INTS14: variants seen among roughly 807,000 people sequenced by gnomAD.
INTS14 encodes UPF0464 protein C15orf44.
A neutral mutation model predicts 56.9 loss-of-function variants in INTS14; 27 were observed. The ratio of observed to expected loss-of-function variants is 0.47; its 90% CI spans 0.35 to 0.65. The LOEUF is 0.65. INTS14 is among the 30% of genes least tolerant of loss of function. INTS14 has a pLI of 0.00. For missense variants in INTS14, 517 were observed against 632.2 expected, an observed-to-expected ratio of 0.82 and a Z score of 1.95; for synonymous variants, 207 against 236.2, an observed-to-expected ratio of 0.88 and a Z score of 1.13.
At chr15:65,593,770 T>C (rs967681629) in intron 7 of INTS14, among the ~76,000 whole-genome samples, 198 bp from the exon 8 acceptor site, 4 of 152,158 alleles carry the variant, frequency 2.6e-5, no homozygotes, top group Non-Finnish European at 4.4e-5. Flanking sequence ...TGAATTCCAT[T>C]TATATAAAAC....
chr15:65,598,703 T>C (rs565485295), intron 5 of INTS14, 169 bp downstream of exon 5: 101 of 707,020 alleles, frequency 1.4e-4, no homozygotes, highest in Non-Finnish European at 2.1e-4. Flanking sequence ...ACAGACAGTA[T>C]AGATTTACTT....
At chr15:65,594,393 CTTTCT>C (rs551287602) in intron 7 of INTS14, among the ~76,000 whole-genome samples, 4 of 145,260 alleles carry the variant, frequency 2.8e-5, no homozygotes, top group East Asian at 5.7e-4. Context: ...TTTTCTTTTT[CTTTCT>C]TTTTTTTTTT....
chr15:65,582,052 G>T (rs766122527), intron 10 of INTS14, 33 bp from the exon 11 acceptor site: 2 of 1,535,680 alleles, frequency 1.3e-6, no homozygotes, highest in South Asian at 1.2e-5. Flanking sequence ...TCCAACATTA[G>T]AATTCTGTGG....
At chr15:65,582,651 T>C (rs56248726) in intron 10 of INTS14, among the ~76,000 whole-genome samples, 80 of 152,216 alleles carry the variant, frequency 5.3e-4, no homozygotes, top group African/African-American at 1.9e-3. Flanking sequence ...TTGGCAATGA[T>C]CTCTTAGTTA....
chr15:65,602,098 G>A lies in INTS14; in HGVS notation c.331-2169C>T, dbSNP rs185529770. ...GTGTGGTAGTGCACTTCTGTAGGGC[G>A]TGATGGCACACTCCTGCAGTCCCAG... On this transcript the variant is annotated intron_variant, in intron 3 of 11. Coordinates refer to ENST00000313182, the MANE Select transcript of INTS14 (RefSeq NM_001394796.1). Among the ~76,000 whole-genome samples the A allele has an allele frequency of 2.6e-5, 4 of 152,044 alleles. No individual in the cohort carries two copies. The East Asian group carries it at 7.8e-4, about 30-fold the overall frequency.
At chr15:65,598,524 T>TC in intron 5 of INTS14, 61 bp from the exon 6 acceptor site, 1 of 1,525,894 alleles carries the variant, frequency 6.6e-7, no homozygotes, top group Non-Finnish European at 8.9e-7. Context: ...AGTTAATTTT[T>TC]CAGGACGCAA....
At position 65,597,074 on chromosome 15, in the gene INTS14, C is replaced by T. The variant is rs143211175; in HGVS notation, c.748+1247G>A. 3.1e-3 allele frequency among the ~76,000 whole-genome samples: 475 copies of T among 152,148 alleles called. 4 individuals carry two copies. Among genetic ancestry groups the T allele is most frequent in the African/African-American group, 0.011 (459 of 41,524 alleles). ...AAAAGACCTATTCAAATTTACTCATCGAAAAAGGATGGGAAGGAAGTGGAA... is the reference window on the plus strand; with the variant it reads ...AAAAGACCTATTCAAATTTACTCATTGAAAAAGGATGGGAAGGAAGTGGAA... On this transcript the variant is annotated intron_variant, in intron 6 of 11. Transcript: ENST00000313182.
rs2072484146 is a variant in INTS14, at chr15:65,579,231, A to C, written c.*177T>G. The stretch of plus-strand genomic sequence containing the variant: ...CAGGAAGTTAAAGCCCAACCAGCCA[A>C]CCACCTTCACATCCTTCTCATACTA... On this transcript the variant is annotated 3_prime_UTR_variant, in exon 12 of 12. Coordinates refer to ENST00000313182, the MANE Select transcript of INTS14 (RefSeq NM_001394796.1). 1 of 865,024 alleles carries C rather than the reference A, an allele frequency of 1.2e-6. No individual in the cohort carries two copies. Among genetic ancestry groups the C allele is most frequent in the African/African-American group, 1.7e-5 (1 of 58,348 alleles). The allele number at this position is 865,024 out of a possible 1,614,324, so 53.6% of individuals were successfully genotyped here.
chr15:65,599,831 T>C lies in INTS14; in HGVS notation c.429A>G (p.Pro143=), dbSNP rs765083564. The C allele has an allele frequency of 1.2e-6, 2 of 1,614,204 alleles. No homozygotes were observed. Among genetic ancestry groups the C allele is most frequent in the Middle Eastern group, 1.7e-4 (1 of 6,060 alleles). The change falls in exon 4 of 12, where the codon CCA becomes CCG. Residue 143 remains proline, a synonymous_variant. Coordinates refer to ENST00000313182, the MANE Select transcript of INTS14 (RefSeq NM_001394796.1). ...QNQRSESNRF[P]LPFPFPSKLY... ...ACTTAGATGGGAAAGGAAAAGGTAGTGGAAACCTGTTGCTCTCACTTCGTT... is the reference window on the plus strand; with the variant it reads ...ACTTAGATGGGAAAGGAAAAGGTAGCGGAAACCTGTTGCTCTCACTTCGTT...
At chr15:65,609,312 T>C (rs2073772481) in intron 1 of INTS14, among the ~76,000 whole-genome samples, 1 of 152,048 alleles carries the variant, frequency 6.6e-6, no homozygotes, top group Non-Finnish European at 1.5e-5. Flanking sequence ...ATGGAAACAA[T>C]GTTTACAACT....
intron 2 of INTS14, among the ~76,000 whole-genome samples, chr15:65,606,191 C>G (rs1401912260): frequency 6.7e-6 from 1 of 149,658 alleles, no homozygotes; most frequent in African/African-American, 2.5e-5. Flanking sequence ...GGGGGCGGAG[C>G]CTGCAGTGAG....
chr15:65,594,445 T>C (rs1051584332), intron 7 of INTS14, among the ~76,000 whole-genome samples: 1 of 151,044 alleles, frequency 6.6e-6, no homozygotes, highest in Admixed American at 6.6e-5. Flanking sequence ...CAGGCTGGAG[T>C]GCAGTGGCGC....
chr15:65,600,976 T>C (rs1184124878), intron 3 of INTS14, among the ~76,000 whole-genome samples: 1 of 152,186 alleles, frequency 6.6e-6, no homozygotes, highest in East Asian at 1.9e-4. Context: ...CAATGTCAAA[T>C]ATGGAATGAA....
At chr15:65,580,982 T>C (rs924522867) in intron 11 of INTS14, among the ~76,000 whole-genome samples, 1 of 152,118 alleles carries the variant, frequency 6.6e-6, no homozygotes, top group Non-Finnish European at 1.5e-5. Flanking sequence ...GGTGGCCAGG[T>C]GGGGTGGCTC....
intron 1 of INTS14, among the ~76,000 whole-genome samples, 166 bp from the exon 2 acceptor site, chr15:65,607,608 T>C (rs981883021): frequency 6.6e-6 from 1 of 152,196 alleles, no homozygotes; most frequent in Non-Finnish European, 1.5e-5. Context: ...GCTTAGTTCA[T>C]TGTAAGGACC....
rs566464344 is a variant in INTS14, at chr15:65,580,698, AT to A, written c.1306-1040del. On this transcript the variant is annotated intron_variant, in intron 11 of 11. Coordinates refer to ENST00000313182, the MANE Select transcript of INTS14 (RefSeq NM_001394796.1). Reference sequence around the variant, plus strand: ...GCCTAAGGCTGGCTGTGTGTGCCACATTTTAGAATTAGAAAGCTAAGACACA... The same window carrying A: ...GCCTAAGGCTGGCTGTGTGTGCCACATTTAGAATTAGAAAGCTAAGACACA... Among the ~76,000 whole-genome samples, 34 of 152,348 alleles carry A rather than the reference AT, an allele frequency of 2.2e-4. No homozygotes were observed. The East Asian group carries it at 3.9e-3, about 17-fold the overall frequency.
At chr15:65,585,880 C>T (rs1349664453) in intron 9 of INTS14, among the ~76,000 whole-genome samples, 2 of 152,196 alleles carry the variant, frequency 1.3e-5, no homozygotes, top group East Asian at 1.9e-4. Flanking sequence ...CCTTTGTCAA[C>T]CCTCTTCAGC....
At chr15:65,600,049 T>C in intron 3 of INTS14, 120 bp from the exon 4 acceptor site, 1 of 1,131,614 alleles carries the variant, frequency 8.8e-7, no homozygotes. Flanking sequence ...GGCTCAAGCC[T>C]GTAATCCCAG....
intron 11 of INTS14, among the ~76,000 whole-genome samples, chr15:65,580,555 TA>T (rs2072564905): frequency 6.6e-6 from 1 of 152,162 alleles, no homozygotes; most frequent in South Asian, 2.1e-4. Context: ...AACTCTTGAT[TA>T]AAGCTGTTTT....
Sources: gnomAD v4.1 joint callset for allele counts (sites outside exome capture counted in the v4.1 genomes callset) on GRCh38, gnomAD v4.1.1 for gene constraint, MANE v1.5 for transcripts, NCBI Gene and HGNC (gene_info 2026-07-23, HGNC 2026-07-21) for gene names.